Variants in AFF1 observed in about 807,000 individuals in gnomAD.
AFF1 encodes the protein AF4/FMR2 family member 1.
A neutral mutation model predicts 121.7 loss-of-function variants in AFF1; 48 were observed. The observed-to-expected ratio is 0.39, with a 90% CI of 0.31 to 0.50. AFF1 has a LOEUF of 0.50. Among genes scored for constraint, AFF1 ranks in the 20% least tolerant of loss-of-function variants. AFF1 has a pLI of 0.76. For missense variants in AFF1, 1,523 were observed against 1,511.7 expected, an observed-to-expected ratio of 1.01 and a Z score of -0.12; for synonymous variants, 613 against 563.0, an observed-to-expected ratio of 1.09 and a Z score of -1.26.
At chr4:86,974,661 G>A (rs1251625796) in intron 2 of AFF1, among the ~76,000 whole-genome samples, 1 of 152,174 alleles carries the variant, frequency 6.6e-6, no homozygotes, top group African/African-American at 2.4e-5. Flanking sequence ...TGAAAGGATG[G>A]TATTTTTTCT....
intron 2 of AFF1, among the ~76,000 whole-genome samples, chr4:87,011,834 G>C (rs946097838): frequency 6.6e-6 from 1 of 152,122 alleles, no homozygotes; most frequent in Non-Finnish European, 1.5e-5. Context: ...GGAGCGGTGA[G>C]TCATTTTTTA....
At chr4:86,974,608 T>A (rs551796912) in intron 2 of AFF1, among the ~76,000 whole-genome samples, 12 of 152,338 alleles carry the variant, frequency 7.9e-5, no homozygotes, top group Non-Finnish European at 1.6e-4. Context: ...GATGAAGGTA[T>A]TAGACAGGAA....
At chr4:87,012,244 A>G (rs1473197636) in intron 2 of AFF1, among the ~76,000 whole-genome samples, 1 of 59,252 alleles carries the variant, frequency 1.7e-5, no homozygotes, top group Non-Finnish European at 3.4e-5. Context: ...TTGTATAACT[A>G]TACATATTTT....
At chr4:87,065,583 G>C (rs1449472983) in intron 4 of AFF1, among the ~76,000 whole-genome samples, 1 of 151,952 alleles carries the variant, frequency 6.6e-6, no homozygotes, top group African/African-American at 2.4e-5. Context: ...ACGCAGTGCC[G>C]CTATCAAAGT....
Position 87,047,380 on chromosome 4 carries a change from C to T in AFF1, c.845C>T (p.Pro282Leu). 6.2e-7 allele frequency: 1 copy of T among 1,612,630 alleles called. No homozygotes were observed. The highest frequency in any genetic ancestry group is 8.5e-7 in the Non-Finnish European group (1 of 1,178,668). Residue 282 changes from proline to leucine, a missense_variant, in exon 4 of 21, where the codon CCA (proline) becomes CTA (leucine). Around this residue, in one of 5 missense-constraint regions of AFF1, gnomAD observed 369 missense variants for 367.2 expected, o/e 1.00. Transcript: ENST00000395146. ...APAQPPSQTFPPPSLPSKSVA... is the reference protein window; with the variant it reads ...APAQPPSQTFLPPSLPSKSVA... ...GCCCAGCCGCCTTCTCAGACATTTC[C>T]ACCTCCCTCCCTCCCCTCAAAAAGT...
At chr4:86,938,381 C>T (rs886418256) in intron 1 of AFF1, among the ~76,000 whole-genome samples, 2 of 145,012 alleles carry the variant, frequency 1.4e-5, no homozygotes, top group African/African-American at 2.6e-5. Flanking sequence ...ACCCAGGAGG[C>T]GGAGGTTGCA....
At chr4:87,114,075 A>G (rs1399959745) in intron 11 of AFF1, among the ~76,000 whole-genome samples, 1 of 152,240 alleles carries the variant, frequency 6.6e-6, no homozygotes, top group Non-Finnish European at 1.5e-5. Context: ...TGTTTAAATT[A>G]TACTATAATT....
At chr4:86,996,921 T>A (rs556930105) in intron 2 of AFF1, among the ~76,000 whole-genome samples, 52 of 152,286 alleles carry the variant, frequency 3.4e-4, no homozygotes, top group South Asian at 2.5e-3. Flanking sequence ...AATTTAATTT[T>A]ATTTTTTTGA....
chr4:86,959,819 C>T (rs1722018270), intron 2 of AFF1, among the ~76,000 whole-genome samples: 1 of 152,104 alleles, frequency 6.6e-6, no homozygotes, highest in African/African-American at 2.4e-5. Flanking sequence ...GTAAGGAATG[C>T]ATTAGGGGTG....
intron 4 of AFF1, among the ~76,000 whole-genome samples, chr4:87,050,643 A>C (rs2149625156): frequency 6.6e-6 from 1 of 152,338 alleles, no homozygotes; most frequent in Admixed American, 6.5e-5. Flanking sequence ...AATTATCAAA[A>C]GGTCGGTTTC....
intron 12 of AFF1, among the ~76,000 whole-genome samples, chr4:87,118,934 C>T (rs1022552101): frequency 1.3e-5 from 2 of 152,188 alleles, no homozygotes; most frequent in Non-Finnish European, 2.9e-5. Flanking sequence ...GTTTATATGC[C>T]TTCTAGAGGT....
In AFF1 at chr4:86,939,568, A is replaced by G. The variant is rs149032390; in HGVS notation, c.-37+4328A>G. ...AGATAAGAATCCTTACCTTTCTAAAAATTAAATAGAGGGCCTTACGGACTA... is the reference window on the plus strand; with the variant it reads ...AGATAAGAATCCTTACCTTTCTAAAGATTAAATAGAGGGCCTTACGGACTA... On this transcript the variant is annotated intron_variant, in intron 1 of 20. Coordinates refer to ENST00000395146, the MANE Select transcript of AFF1 (RefSeq NM_001166693.3). Among the ~76,000 whole-genome samples the G allele has an allele frequency of 2.5e-3, 384 of 152,340 alleles. 1 individual carries two copies. The highest frequency in any genetic ancestry group is 9.0e-3 in the African/African-American group (375 of 41,572).
At chr4:87,034,710 C>T (rs1729392754) in intron 2 of AFF1, among the ~76,000 whole-genome samples, 1 of 152,150 alleles carries the variant, frequency 6.6e-6, no homozygotes, top group Non-Finnish European at 1.5e-5. Context: ...TGAGGCAACT[C>T]TCTTGGTCCA....
At chr4:87,017,724 C>G (rs1475416842) in intron 2 of AFF1, among the ~76,000 whole-genome samples, 1 of 152,188 alleles carries the variant, frequency 6.6e-6, no homozygotes, top group Non-Finnish European at 1.5e-5. Context: ...GATAAGTTAT[C>G]TAAGTGAAGC....
At chr4:86,977,151 A>G (rs1186701997) in intron 2 of AFF1, among the ~76,000 whole-genome samples, 2 of 152,132 alleles carry the variant, frequency 1.3e-5, no homozygotes, top group African/African-American at 4.8e-5. Flanking sequence ...ATACATTCTA[A>G]GACCCCCAGT....
chr4:86,943,732 G>C (rs1344332688), intron 1 of AFF1, among the ~76,000 whole-genome samples: 1 of 152,022 alleles, frequency 6.6e-6, no homozygotes, highest in East Asian at 1.9e-4. Flanking sequence ...GGCTGAGGTG[G>C]GCAGATCACC....
intron 2 of AFF1, among the ~76,000 whole-genome samples, chr4:87,043,572 C>G (rs913296847): frequency 2.8e-4 from 43 of 152,192 alleles, no homozygotes; most frequent in African/African-American, 1.0e-3. Context: ...AATTGAGTGT[C>G]ATCAAGTCCA....
chr4:87,030,035 GA>G (rs1378219738), intron 2 of AFF1, among the ~76,000 whole-genome samples: 1 of 152,078 alleles, frequency 6.6e-6, no homozygotes, highest in Non-Finnish European at 1.5e-5. Context: ...CTGAAGTCAA[GA>G]AGGCAGATAA....
intron 10 of AFF1, 68 bp downstream of exon 10, chr4:87,105,913 G>A (rs1054538460): frequency 1.9e-6 from 3 of 1,562,788 alleles, no homozygotes; most frequent in Admixed American, 1.7e-5. Context: ...GAAAAATAAA[G>A]CCTTATTTAG....
Sources: allele counts gnomAD v4.1 joint callset (sites outside exome capture counted in the v4.1 genomes callset), GRCh38; gene constraint gnomAD v4.1.1; regional missense constraint gnomAD v4.1.1; transcripts MANE v1.5; gene names NCBI Gene and HGNC (gene_info 2026-07-23, HGNC 2026-07-21).